RORA: variants seen among roughly 807,000 people sequenced by gnomAD.
RORA encodes the protein nuclear receptor ROR-alpha.
Under a neutral mutation model 69.5 loss-of-function variants are expected in RORA, and 7 were observed. That is an observed-to-expected ratio of 0.10 (90% CI 0.06 to 0.19). RORA has a LOEUF of 0.19. Among genes scored for constraint, RORA ranks in the 10% least tolerant of loss-of-function variants. The pLI is 1.00. For missense variants in RORA, 457 were observed against 663.0 expected (o/e 0.69, Z 3.41); for synonymous variants, 261 against 240.8 (o/e 1.08, Z -0.78).
chr15:60,777,725 T>C (rs551487605), intron 1 of RORA, among the ~76,000 whole-genome samples: 1 of 152,098 alleles, frequency 6.6e-6, no homozygotes, highest in South Asian at 2.1e-4. Context: ...TGCAGCAGAG[T>C]CCAGGTGCTC....
intron 2 of RORA, among the ~76,000 whole-genome samples, chr15:60,670,676 C>T (rs1453415930): frequency 5.3e-5 from 8 of 152,166 alleles, no homozygotes; most frequent in Admixed American, 5.2e-4. Flanking sequence ...GGGTGGAGAA[C>T]ATTCCATTGC....
chr15:60,830,524 T>A (rs1029655120), intron 1 of RORA, among the ~76,000 whole-genome samples: 3 of 152,228 alleles, frequency 2.0e-5, no homozygotes, highest in Non-Finnish European at 4.4e-5. Flanking sequence ...TAAGGCAGAT[T>A]TATTGTCCTT....
At chr15:60,927,045 T>A (rs1231893931) in intron 1 of RORA, among the ~76,000 whole-genome samples, 1 of 152,230 alleles carries the variant, frequency 6.6e-6, no homozygotes, top group Non-Finnish European at 1.5e-5. Context: ...ATTATCATTT[T>A]GAAATAAAAA....
intron 1 of RORA, among the ~76,000 whole-genome samples, chr15:60,858,374 A>T (rs996172262): frequency 6.6e-6 from 1 of 152,218 alleles, no homozygotes; most frequent in African/African-American, 2.4e-5. Context: ...TTCTACTGGT[A>T]AGTGGCAGGG....
At chr15:60,706,822 G>A (rs564360197) in intron 1 of RORA, among the ~76,000 whole-genome samples, 1 of 152,300 alleles carries the variant, frequency 6.6e-6, no homozygotes, top group East Asian at 1.9e-4. Context: ...CAAGCTCTCT[G>A]CAGAGTTGGG....
intron 1 of RORA, among the ~76,000 whole-genome samples, chr15:60,793,400 G>A (rs1314083418): frequency 2.0e-5 from 3 of 152,188 alleles, no homozygotes; most frequent in Non-Finnish European, 4.4e-5. Context: ...TGCTGCCATG[G>A]CTGAAGTAAT....
chr15:60,737,973 C>A (rs149902325), intron 1 of RORA, among the ~76,000 whole-genome samples: 1 of 152,162 alleles, frequency 6.6e-6, no homozygotes, highest in South Asian at 2.1e-4. Flanking sequence ...AAGTTAAGTG[C>A]GTATTATTTC....
intron 3 of RORA, chr15:60,528,206 C>T (rs976760166): frequency 6.6e-6 from 1 of 152,452 alleles, no homozygotes; most frequent in African/African-American, 2.4e-5. Context: ...CAGGCAAACA[C>T]CACCATGCCT....
At chr15:60,767,079 G>A (rs1298670882) in intron 1 of RORA, among the ~76,000 whole-genome samples, 1 of 152,214 alleles carries the variant, frequency 6.6e-6, no homozygotes, top group Non-Finnish European at 1.5e-5. Context: ...ACACAGAAAA[G>A]ATGGGAAATT....
chr15:61,170,990 C>G (rs114197630), intron 1 of RORA, among the ~76,000 whole-genome samples: 1 of 152,168 alleles, frequency 6.6e-6, no homozygotes, highest in Non-Finnish European at 1.5e-5. Context: ...TTACAGGTGA[C>G]GACAGTAAGA....
At chr15:60,602,278 T>A (rs1413500705) in intron 2 of RORA, among the ~76,000 whole-genome samples, 1 of 152,220 alleles carries the variant, frequency 6.6e-6, no homozygotes, top group Non-Finnish European at 1.5e-5. Flanking sequence ...CACGAACAGT[T>A]AACTGTCTGT....
At chr15:61,126,118 T>C (rs1341079697) in intron 1 of RORA, among the ~76,000 whole-genome samples, 2 of 152,208 alleles carry the variant, frequency 1.3e-5, no homozygotes, top group African/African-American at 2.4e-5. Flanking sequence ...GAACCAGGCT[T>C]GGCTAACATA....
intron 1 of RORA, among the ~76,000 whole-genome samples, chr15:61,066,879 C>CAAAAA (rs33936803): frequency 2.8e-5 from 2 of 71,294 alleles, no homozygotes; most frequent in African/African-American, 5.6e-5. Context: ...TTCATAAGAC[C>CAAAAA]AAAAAAAAAA....
At chr15:61,120,152 T>G (rs1267028394) in intron 1 of RORA, among the ~76,000 whole-genome samples, 3 of 152,308 alleles carry the variant, frequency 2.0e-5, no homozygotes, top group African/African-American at 4.8e-5. Flanking sequence ...AGATGCCACA[T>G]GTCCTATATT....
chr15:61,003,519 T>G (rs1358219758), intron 1 of RORA, among the ~76,000 whole-genome samples: 1 of 152,216 alleles, frequency 6.6e-6, no homozygotes, highest in Non-Finnish European at 1.5e-5. Flanking sequence ...GGATTCCAGC[T>G]GGGAGATGCC....
intron 1 of RORA, among the ~76,000 whole-genome samples, chr15:61,097,118 G>C (rs1045173864): frequency 9.2e-5 from 14 of 152,194 alleles, no homozygotes; most frequent in Non-Finnish European, 7.3e-5. Flanking sequence ...GCAAACAAGA[G>C]GGGGAGTGTT....
At chr15:60,855,754 G>GCGAT (rs10653298) in intron 1 of RORA, among the ~76,000 whole-genome samples, 132,464 of 151,742 alleles carry the variant, frequency 0.87, 58,499 homozygotes, top group East Asian at 0.99. Flanking sequence ...CTGAGTAGCT[G>GCGAT]CACAGGCGCC....
intron 2 of RORA, among the ~76,000 whole-genome samples, chr15:60,632,111 A>AT (rs11308166): frequency 4.0e-4 from 59 of 146,964 alleles, no homozygotes; most frequent in Middle Eastern, 3.5e-3. Context: ...TTCACTACCT[A>AT]TTTTTTTTTT....
At chr15:61,065,742 G>A (rs2078248417) in intron 1 of RORA, among the ~76,000 whole-genome samples, 1 of 152,130 alleles carries the variant, frequency 6.6e-6, no homozygotes, top group Non-Finnish European at 1.5e-5. Flanking sequence ...AAGTTTGACT[G>A]CAACACTGGG....
Sources: gnomAD v4.1 joint callset for allele counts (sites outside exome capture counted in the v4.1 genomes callset) on GRCh38, gnomAD v4.1.1 for gene constraint, MANE v1.5 for transcripts, NCBI Gene and HGNC (gene_info 2026-07-23, HGNC 2026-07-21) for gene names.